PIEZO1: variants seen among roughly 807,000 people sequenced by gnomAD.
PIEZO1 encodes the protein piezo-type mechanosensitive ion channel component 1.
In PIEZO1, 296 loss-of-function variants were observed where a neutral mutation model predicts 297.2. The ratio of observed to expected loss-of-function variants is 1.00; its 90% CI spans 0.91 to 1.10. PIEZO1 has a LOEUF of 1.10. Among genes scored for constraint, PIEZO1 ranks in the 50% least tolerant of loss-of-function variants. PIEZO1 has a pLI of 0.00. For synonymous variants in PIEZO1, 2,427 were observed against 1,507.5 expected (o/e 1.61, Z -14.13); for missense variants, 5,018 against 3,455.5 (o/e 1.45, Z -11.34).
intron 1 of PIEZO1, among the ~76,000 whole-genome samples, chr16:88,779,287 C>T (rs1040913157): frequency 1.3e-5 from 2 of 152,174 alleles, no homozygotes; most frequent in African/African-American, 4.8e-5. Context: ...GATCCACCTG[C>T]CTCGGCTTCC....
At position 88,731,579 on chromosome 16, in the gene PIEZO1, G is replaced by A. The variant is rs1163073467; in HGVS notation, c.3196+127C>T. ...CCTGGGTAGGATGTGGAGCAGAGAGGAGGGACTGGAGGAGGCCAAGGCTAA... is the reference window on the plus strand; with the variant it reads ...CCTGGGTAGGATGTGGAGCAGAGAGAAGGGACTGGAGGAGGCCAAGGCTAA... On this transcript the variant is annotated intron_variant, in intron 22 of 50. Transcript: ENST00000301015. 8.8e-6 allele frequency: 6 copies of A among 678,826 alleles called. No homozygotes were observed. In the East Asian group the frequency reaches 1.4e-4, roughly 15 times the overall value. 42.1% of individuals were successfully genotyped at this position (678,826 alleles called of 1,614,324 possible).
At chr16:88,757,818 G>C (rs1906748600) in intron 1 of PIEZO1, among the ~76,000 whole-genome samples, 2 of 152,270 alleles carry the variant, frequency 1.3e-5, no homozygotes, top group African/African-American at 4.8e-5. Context: ...AGCCCAGCAT[G>C]GCCCAGCAAG....
intron 1 of PIEZO1, among the ~76,000 whole-genome samples, chr16:88,777,255 G>A (rs1907707485): frequency 6.6e-6 from 1 of 152,252 alleles, no homozygotes; most frequent in African/African-American, 2.4e-5. Context: ...ACCGGCGTGA[G>A]CCACCATGCC....
chr16:88,725,600 T>C lies in PIEZO1; in HGVS notation c.4053A>G (p.Lys1351=). 6.5e-7 allele frequency: 1 copy of C among 1,548,148 alleles called. No individual in the cohort carries two copies. Among genetic ancestry groups the C allele is most frequent in the South Asian group, 1.2e-5 (1 of 84,018 alleles). The part of the protein sequence containing the change: ...RIEEKSLAQL[K]RQMERIRAKQ... ...CCCGCCCCAGAGGCACCTACTGTCT[T>C]TTCAGCTGGGCCAGGGACTTCTCCT... is the stretch of plus-strand genomic sequence containing the variant. Residue 1351 remains lysine, a synonymous_variant, in exon 28 of 51, where the codon AAA becomes AAG. Transcript: ENST00000301015.
chr16:88,772,351 C>T (rs1007653876), intron 1 of PIEZO1, among the ~76,000 whole-genome samples: 5 of 152,196 alleles, frequency 3.3e-5, no homozygotes, highest in Non-Finnish European at 7.3e-5. Flanking sequence ...GCCACCAGCT[C>T]GGAATATACT....
At chr16:88,727,326 G>A (rs1225227807) in intron 23 of PIEZO1, 134 bp from the exon 24 acceptor site, 1 of 1,051,380 alleles carries the variant, frequency 9.5e-7, no homozygotes, top group African/African-American at 1.6e-5. Context: ...GCCTGGGTGA[G>A]TGGCCGGGTG....
rs1905217254 is a variant in PIEZO1 at position 88,736,392 on chromosome 16, T to C, written c.1313A>G (p.Tyr438Cys). The C allele has an allele frequency of 6.5e-7, 1 of 1,549,022 alleles. No homozygotes were observed. Among genetic ancestry groups the C allele is most frequent in the South Asian group, 1.2e-5 (1 of 84,016 alleles). Residue 438 changes from tyrosine to cysteine, a missense_variant, in exon 12 of 51, where the codon TAC becomes TGC. Coordinates refer to ENST00000301015, the MANE Select transcript of PIEZO1 (RefSeq NM_001142864.4). ...CAGTACGAAGGTCAGCCAGCTGTGG[T>C]AGGTGATGCTCCATACCTGCGCGGC... Reference protein sequence around the residue: ...LIAMMVWSITYHSWLTFVLLL... With the variant: ...LIAMMVWSITCHSWLTFVLLL...
rs1034631020 is a variant in PIEZO1 at position 88,726,420 on chromosome 16, G to A, written c.3832C>T (p.Leu1278=). 2.6e-6 allele frequency: 4 copies of A among 1,550,408 alleles called. No individual in the cohort carries two copies. Among genetic ancestry groups the A allele is most frequent in the Admixed American group, 2.0e-5 (1 of 50,986 alleles). ...ATGATGCCAGCCTCCTCCACAGGCA[G>A]CAGGCAGTCCTGGTCTCTGTCCATC... The part of the protein sequence containing the change: ...EMMDRDQDCL[L]PVEEAGIIWD... The change falls in exon 27 of 51, where the codon CTG becomes TTG. Residue 1278 remains leucine, a synonymous_variant. Coordinates refer to ENST00000301015, the MANE Select transcript of PIEZO1 (RefSeq NM_001142864.4).
intron 1 of PIEZO1, among the ~76,000 whole-genome samples, chr16:88,752,804 G>C (rs1446571501): frequency 1.3e-5 from 2 of 152,156 alleles, no homozygotes; most frequent in Non-Finnish European, 2.9e-5. Context: ...CCCTGCCTGA[G>C]ACCATGACCC....
At chr16:88,742,937 G>C (rs761193015) in intron 2 of PIEZO1, 1 of 391,350 alleles carries the variant, frequency 2.6e-6, no homozygotes, top group East Asian at 7.3e-5. Flanking sequence ...GGGCTGAGGG[G>C]CTGCAAGGAG....
intron 2 of PIEZO1, chr16:88,745,205 C>T (rs1271557107): frequency 6.6e-6 from 1 of 152,150 alleles, no homozygotes; most frequent in Non-Finnish European, 1.5e-5. Context: ...GGTCTCCTGC[C>T]CCCGACTCCA....
At chr16:88,741,186 C>A (rs574104374) in intron 5 of PIEZO1, 360 of 291,402 alleles carry the variant, frequency 1.2e-3, no homozygotes, top group African/African-American at 6.9e-3. Flanking sequence ...AGGTTTCCAC[C>A]ACCGCGTGGC....
Position 88,733,314 on chromosome 16 carries a change from A to T in PIEZO1, c.2628T>A (p.Val876=). The T allele has an allele frequency of 1.3e-6, 2 of 1,548,802 alleles. No individual in the cohort carries two copies. Among genetic ancestry groups the T allele is most frequent in the Non-Finnish European group, 1.7e-6 (2 of 1,145,632 alleles). The change falls in exon 19 of 51, where the codon GTT becomes GTA. Residue 876 remains valine (V), a synonymous_variant. Transcript: ENST00000301015. ...IVCKMLYQLK[V]VNPQEYSSNC... ...TGCTGGAATACTCCTGGGGGTTGAC[A>T]ACCTTGAGCTGGTACAGCATCTTAC...
chr16:88,716,384 G>A lies in PIEZO1; in HGVS notation c.7026C>T (p.Leu2342=), dbSNP rs573391046. The A allele has an allele frequency of 1.2e-4, 186 of 1,546,146 alleles. No homozygotes were observed. In the African/African-American group the frequency reaches 1.8e-3, roughly 15 times the overall value. ...ACACAGACTGGTCCGAGGTGCCCTC[G>A]AGCAGGCTGGCCAGCTGCCGCCGTG... ...STARRQLASL[L]EGTSDQSVVI... is the part of the protein sequence containing the mutation. Residue 2342 remains leucine, a synonymous_variant, in exon 48 of 51, where the codon CTC becomes CTT. Coordinates refer to ENST00000301015, the MANE Select transcript of PIEZO1 (RefSeq NM_001142864.4).
At position 88,726,287 on chromosome 16, in the gene PIEZO1, G is replaced by A; in HGVS notation, c.3965C>T (p.Ser1322Phe). Residue 1322 changes from serine to phenylalanine, a missense_variant, in exon 27 of 51, where the codon TCC (serine) becomes TTC (phenylalanine). Physicochemically the swap from Ser to Phe is radical, Grantham distance 155. Transcript: ENST00000301015. ...ADLQATALLA[S>F]RGFALYNAAN... ...CTGTGTCTGGGCCCAAGCTTGCCTGGAGGCTAGCAGGGCGGTGGCCTGGAG... is the reference window on the plus strand; with the variant it reads ...CTGTGTCTGGGCCCAAGCTTGCCTGAAGGCTAGCAGGGCGGTGGCCTGGAG... 1 of 1,547,404 alleles carries A rather than the reference G, an allele frequency of 6.5e-7. No individual in the cohort carries two copies. Among genetic ancestry groups the A allele is most frequent in the Non-Finnish European group, 8.7e-7 (1 of 1,145,506 alleles).
intron 1 of PIEZO1, among the ~76,000 whole-genome samples, chr16:88,778,041 T>C (rs771560922): frequency 2.0e-4 from 30 of 152,272 alleles, no homozygotes; most frequent in Admixed American, 3.3e-4. Flanking sequence ...TCTGTTTAAG[T>C]CACAGTTGAG....
chr16:88,721,148 G>C lies in PIEZO1; in HGVS notation c.5668+18C>G. 1 of 1,470,722 alleles carries C rather than the reference G, an allele frequency of 6.8e-7. No individual in the cohort carries two copies. The highest frequency in any genetic ancestry group is 1.4e-5 in the African/African-American group (1 of 70,838). The allele number at this position is 1,470,722 out of a possible 1,614,324, so 91.1% of individuals were successfully genotyped here. A position where few individuals can be genotyped will look rare whatever the true frequency, so the allele number is the denominator to read the frequency against. ...GAAAACTGGGTAGGCAGGAGGTTGTGAGGCAGGGCGCTTATACCGATGGCT... is the reference window on the plus strand; with the variant it reads ...GAAAACTGGGTAGGCAGGAGGTTGTCAGGCAGGGCGCTTATACCGATGGCT... On this transcript the variant is annotated intron_variant, in intron 39 of 50. Coordinates refer to ENST00000301015, the MANE Select transcript of PIEZO1 (RefSeq NM_001142864.4).
rs937784468 is a variant in PIEZO1, at chr16:88,720,837, C to T, written c.5669-89G>A. The T allele has an allele frequency of 3.7e-6, 5 of 1,358,100 alleles. No homozygotes were observed. The African/African-American group carries it at 4.4e-5, about 12-fold the overall frequency. The allele number at this position is 1,358,100 out of a possible 1,614,324, so 84.1% of individuals were successfully genotyped here. The stretch of plus-strand genomic sequence containing the variant: ...ACCACCCTAAGAGGCTGGCATTCTC[C>T]CTGTTTGACAGACAAGCAGACGGAG... On this transcript the variant is annotated intron_variant, in intron 39 of 50. Coordinates refer to ENST00000301015, the MANE Select transcript of PIEZO1 (RefSeq NM_001142864.4).
At chr16:88,723,350 A>C in intron 31 of PIEZO1, 22 bp from the exon 32 acceptor site, 1 of 1,536,064 alleles carries the variant, frequency 6.5e-7, no homozygotes, top group Non-Finnish European at 8.7e-7. Flanking sequence ...CCCCCGGGTT[A>C]GGACCCGGCC....
Sources: allele counts gnomAD v4.1 joint callset (sites outside exome capture counted in the v4.1 genomes callset), GRCh38; gene constraint gnomAD v4.1.1; transcripts MANE v1.5; gene names NCBI Gene and HGNC (gene_info 2026-07-23, HGNC 2026-07-21).